SCAPER: variants seen among roughly 807,000 people sequenced by gnomAD.
The protein encoded by SCAPER is S-phase cyclin A associated protein in the ER.
In SCAPER, 98 loss-of-function variants were observed where a neutral mutation model predicts 182.2. The observed-to-expected ratio is 0.54, with a 90% confidence interval of 0.46 to 0.64. The LOEUF is 0.64. Among genes scored for constraint, SCAPER ranks in the 30% least tolerant of loss-of-function variants. The pLI is 0.00. For synonymous variants in SCAPER, 605 were observed against 564.6 expected, an observed-to-expected ratio of 1.07 and a Z score of -1.01; for missense variants, 1,432 against 1,690.0, an observed-to-expected ratio of 0.85 and a Z score of 2.68.
At chr15:76,486,834 C>G (rs144454640) in intron 24 of SCAPER, among the ~76,000 whole-genome samples, 1 of 152,178 alleles carries the variant, frequency 6.6e-6, no homozygotes, top group Non-Finnish European at 1.5e-5. Context: ...AGCAGTCCCA[C>G]TATTGGATAT....
chr15:76,891,643 C>T (rs9920797), intron 1 of SCAPER, among the ~76,000 whole-genome samples: 4,192 of 152,134 alleles, frequency 0.028, 173 homozygotes, highest in African/African-American at 0.095. Flanking sequence ...AACTACAAAC[C>T]ACTACGCAAC....
chr15:76,637,432 C>T (rs1217273369), intron 21 of SCAPER, among the ~76,000 whole-genome samples: 1 of 152,044 alleles, frequency 6.6e-6, no homozygotes, highest in African/African-American at 2.4e-5. Context: ...ACTCATCCAG[C>T]TGGGTGCAGT....
At chr15:76,470,077 C>T (rs1030053581) in intron 25 of SCAPER, among the ~76,000 whole-genome samples, 6 of 152,208 alleles carry the variant, frequency 3.9e-5, no homozygotes, top group Non-Finnish European at 8.8e-5. Flanking sequence ...CTCTCAATGT[C>T]AATATGTCTG....
chr15:76,656,606 T>G (rs1004595475), intron 21 of SCAPER, among the ~76,000 whole-genome samples: 2 of 152,084 alleles, frequency 1.3e-5, no homozygotes, highest in African/African-American at 4.8e-5. Flanking sequence ...ATTCTTCTCA[T>G]CTGCACAAGG....
chr15:76,586,262 G>T (rs919861164), intron 22 of SCAPER, among the ~76,000 whole-genome samples: 4 of 152,138 alleles, frequency 2.6e-5, no homozygotes, highest in African/African-American at 9.7e-5. Context: ...TAGGAACTAA[G>T]ATTGTTCTTT....
chr15:76,845,321 T>C (rs2069954277), intron 4 of SCAPER, among the ~76,000 whole-genome samples: 1 of 152,158 alleles, frequency 6.6e-6, no homozygotes. Context: ...ATGAAAAGGA[T>C]ACCTGCTTTC....
At chr15:76,544,622 T>C (rs1224383401) in intron 23 of SCAPER, among the ~76,000 whole-genome samples, 1 of 152,148 alleles carries the variant, frequency 6.6e-6, no homozygotes, top group Admixed American at 6.5e-5. Flanking sequence ...CAAATCTATA[T>C]AGACAGAAAG....
chr15:76,616,317 G>A (rs1042678314), intron 22 of SCAPER, among the ~76,000 whole-genome samples: 1 of 152,072 alleles, frequency 6.6e-6, no homozygotes, highest in Non-Finnish European at 1.5e-5. Context: ...TATCCTTGGT[G>A]CAACATGGAT....
intron 4 of SCAPER, among the ~76,000 whole-genome samples, chr15:76,845,926 T>C (rs140250447): frequency 6.6e-6 from 1 of 152,036 alleles, no homozygotes; most frequent in Non-Finnish European, 1.5e-5. Context: ...AGGAATCACA[T>C]TACCTGAATT....
chr15:76,509,770 A>G (rs527770423), intron 23 of SCAPER, among the ~76,000 whole-genome samples: 1 of 152,310 alleles, frequency 6.6e-6, no homozygotes, highest in East Asian at 1.9e-4. Context: ...AGCCCAAGCA[A>G]GACTAAACAA....
At chr15:76,750,355 A>G (rs2062018671) in intron 15 of SCAPER, among the ~76,000 whole-genome samples, 1 of 151,904 alleles carries the variant, frequency 6.6e-6, no homozygotes, top group South Asian at 2.1e-4. Flanking sequence ...AATTCTATCA[A>G]ACACTTAAAG....
chr15:76,547,751 T>A (rs1425750229), intron 23 of SCAPER, among the ~76,000 whole-genome samples: 2 of 152,176 alleles, frequency 1.3e-5, no homozygotes, highest in East Asian at 3.8e-4. Context: ...TATACACATA[T>A]GCATACACAG....
intron 4 of SCAPER, among the ~76,000 whole-genome samples, chr15:76,851,233 T>C (rs532965589): frequency 4.6e-5 from 7 of 151,362 alleles, no homozygotes; most frequent in South Asian, 2.1e-4. Flanking sequence ...CTGAAAAGGA[T>C]GGGGAGAAAA....
chr15:76,787,045 A>G (rs1003180862), intron 8 of SCAPER, among the ~76,000 whole-genome samples: 3 of 152,210 alleles, frequency 2.0e-5, no homozygotes, highest in East Asian at 1.9e-4. Flanking sequence ...TAGTAAAGAT[A>G]CTCTCTCTAA....
At chr15:76,795,155 A>T in intron 8 of SCAPER, 125 bp downstream of exon 8, 1 of 889,828 alleles carries the variant, frequency 1.1e-6, no homozygotes, top group Non-Finnish European at 1.6e-6. Context: ...TTTATGTTTT[A>T]ATTATGGTAA....
At chr15:76,589,603 T>C (rs114183958) in intron 22 of SCAPER, among the ~76,000 whole-genome samples, 201 of 152,248 alleles carry the variant, frequency 1.3e-3, no homozygotes, top group African/African-American at 4.7e-3. Flanking sequence ...TGCCCCAGGC[T>C]ACCAGCCTCC....
chr15:76,811,262 T>C (rs1480710072), intron 5 of SCAPER, among the ~76,000 whole-genome samples: 1 of 151,954 alleles, frequency 6.6e-6, no homozygotes, highest in African/African-American at 2.4e-5. Flanking sequence ...CTCAAAAAAG[T>C]CTTAACAAAT....
Position 76,650,984 on chromosome 15 carries a change from A to G in SCAPER, c.2645+14669T>C, listed in dbSNP as rs949900012. ...TTGAACTATATCAAAATAATACAAC[A>G]TATTAAAATATGTTGAATGTAGGTT... On this transcript the variant is annotated intron_variant, in intron 21 of 31. Coordinates refer to ENST00000563290, the MANE Select transcript of SCAPER (RefSeq NM_020843.4). 2.0e-5 allele frequency among the ~76,000 whole-genome samples: 3 copies of G among 152,146 alleles called. 1 individual carries two copies. The highest frequency in any genetic ancestry group is 1.3e-4 in the Admixed American group (2 of 15,282).
chr15:76,672,095 G>A (rs1447760619), intron 20 of SCAPER, among the ~76,000 whole-genome samples: 3 of 152,088 alleles, frequency 2.0e-5, no homozygotes, highest in Non-Finnish European at 4.4e-5. Context: ...GCTGGGAAAG[G>A]AATTTAAATT....
Sources: allele counts gnomAD v4.1 joint callset (sites outside exome capture counted in the v4.1 genomes callset), GRCh38; gene constraint gnomAD v4.1.1; transcripts MANE v1.5; gene names NCBI Gene and HGNC (gene_info 2026-07-23, HGNC 2026-07-21).